TTLL5: variants seen among roughly 807,000 people sequenced by gnomAD.
The protein encoded by TTLL5 is tubulin polyglutamylase TTLL5.
In TTLL5, 132 loss-of-function variants were observed where a neutral mutation model predicts 168.4. The ratio of observed to expected loss-of-function variants is 0.78; its 90% CI spans 0.68 to 0.91. TTLL5 has a LOEUF of 0.91. Ranked by LOEUF, TTLL5 falls within the 40% of genes least tolerant of loss-of-function variation. The pLI is 0.00. For synonymous variants in TTLL5, 546 were observed against 558.6 expected (o/e 0.98, Z 0.32); for missense variants, 1,545 against 1,581.5 (o/e 0.98, Z 0.39).
chr14:75,823,565 G>A (rs757029827), intron 28 of TTLL5, among the ~76,000 whole-genome samples: 8 of 152,214 alleles, frequency 5.3e-5, no homozygotes, highest in Non-Finnish European at 1.0e-4. Flanking sequence ...TCCCACGAAT[G>A]TCTGGCTCCT....
At chr14:75,940,569 A>G (rs1225931515) in intron 31 of TTLL5, among the ~76,000 whole-genome samples, 1 of 152,202 alleles carries the variant, frequency 6.6e-6, no homozygotes, top group East Asian at 1.9e-4. Context: ...AAGAACATTG[A>G]TTTTAGTCAG....
chr14:75,889,672 T>C (rs1327820348), intron 30 of TTLL5, among the ~76,000 whole-genome samples: 6 of 151,698 alleles, frequency 4.0e-5, no homozygotes, highest in African/African-American at 1.5e-4. Context: ...TACCAAAATA[T>C]ACAAAAATTA....
intron 31 of TTLL5, among the ~76,000 whole-genome samples, chr14:75,942,466 A>G (rs1338511568): frequency 6.6e-6 from 1 of 152,194 alleles, no homozygotes; most frequent in Non-Finnish European, 1.5e-5. Flanking sequence ...CGATCTCAGC[A>G]CTTAAGAGTG....
chr14:75,743,715 G>A (rs1170156070), intron 15 of TTLL5, among the ~76,000 whole-genome samples: 1 of 150,732 alleles, frequency 6.6e-6, no homozygotes, highest in Non-Finnish European at 1.5e-5. Context: ...CCGAGTAGCT[G>A]GGACTACAGG....
At chr14:75,721,194 TTC>T (rs964757394) in intron 12 of TTLL5, among the ~76,000 whole-genome samples, 20 of 152,080 alleles carry the variant, frequency 1.3e-4, no homozygotes, top group African/African-American at 4.6e-4. Context: ...CTCTTTCTCT[TTC>T]TCTTCCTCTT....
At chr14:75,937,729 A>G (rs993864325) in intron 31 of TTLL5, among the ~76,000 whole-genome samples, 1 of 152,194 alleles carries the variant, frequency 6.6e-6, no homozygotes, top group Non-Finnish European at 1.5e-5. Context: ...AATTTAATGT[A>G]TGTATACACC....
chr14:75,861,792 G>A (rs1229902166), intron 28 of TTLL5, among the ~76,000 whole-genome samples: 1 of 152,178 alleles, frequency 6.6e-6, no homozygotes, highest in Non-Finnish European at 1.5e-5. Context: ...TAAGGAGATG[G>A]AAGGACTGAC....
intron 31 of TTLL5, among the ~76,000 whole-genome samples, chr14:75,949,216 AT>A (rs1271914655): frequency 2.0e-5 from 3 of 151,988 alleles, no homozygotes; most frequent in Non-Finnish European, 4.4e-5. Context: ...AGAACATGTG[AT>A]TACTGAAAAG....
At chr14:75,662,789 G>C (rs1466423763) in intron 1 of TTLL5, among the ~76,000 whole-genome samples, 2 of 152,136 alleles carry the variant, frequency 1.3e-5, no homozygotes, top group Non-Finnish European at 2.9e-5. Context: ...ATTCGATTTA[G>C]TAAATAATGA....
rs117067475 is a variant in TTLL5, at chr14:75,770,924, T to A, written c.2016-810T>A. Among the ~76,000 whole-genome samples the A allele has an allele frequency of 7.9e-4, 120 of 152,358 alleles. 2 individuals carry two copies. The East Asian group carries it at 0.021, about 27-fold the overall frequency. ...CCTTAAATTTGGTCTTAAGAGTCCC[T>A]TTATAGGATTTATCTATTTCCTGCT... On this transcript the variant is annotated intron_variant, in intron 20 of 31. Coordinates refer to ENST00000298832, the MANE Select transcript of TTLL5 (RefSeq NM_015072.5).
chr14:75,752,492 A>AG (rs1175987018), intron 17 of TTLL5, among the ~76,000 whole-genome samples: 1 of 152,236 alleles, frequency 6.6e-6, no homozygotes. Context: ...TGATTGAAAC[A>AG]GTCTCTTATC....
At chr14:75,838,402 A>G (rs1473748566) in intron 28 of TTLL5, 1 of 152,034 alleles carries the variant, frequency 6.6e-6, no homozygotes, top group Admixed American at 6.5e-5. Flanking sequence ...AAAATAGAAA[A>G]AAAAAAAAAA....
intron 28 of TTLL5, among the ~76,000 whole-genome samples, chr14:75,826,561 CT>C (rs1180839925): frequency 6.6e-6 from 1 of 151,892 alleles, no homozygotes; most frequent in East Asian, 1.9e-4. Flanking sequence ...TAACTGTTTA[CT>C]TTATAATTTT....
chr14:75,741,765 A>G (rs1303518384), intron 15 of TTLL5, among the ~76,000 whole-genome samples: 2 of 151,926 alleles, frequency 1.3e-5, no homozygotes, highest in African/African-American at 4.8e-5. Context: ...CCTCTACCCG[A>G]CCCCAAACAT....
intron 28 of TTLL5, among the ~76,000 whole-genome samples, chr14:75,837,722 C>T (rs1381437184): frequency 2.6e-5 from 4 of 152,164 alleles, no homozygotes; most frequent in Non-Finnish European, 5.9e-5. Context: ...TGGCTTATTT[C>T]ACTTAGCATA....
chr14:75,760,425 T>G (rs1030369485), intron 18 of TTLL5, among the ~76,000 whole-genome samples: 4 of 152,028 alleles, frequency 2.6e-5, no homozygotes, highest in Non-Finnish European at 5.9e-5. Context: ...CAAATTGATA[T>G]AAAGATCCAG....
At chr14:75,870,955 C>T (rs1048416539) in intron 29 of TTLL5, among the ~76,000 whole-genome samples, 1 of 152,030 alleles carries the variant, frequency 6.6e-6, no homozygotes, top group African/African-American at 2.4e-5. Flanking sequence ...CCACCACGCC[C>T]AGCTAATTTT....
rs1193714931 is a variant in TTLL5, at chr14:75,952,642, TG to T, written c.3824-1781del. Among the ~76,000 whole-genome samples the T allele has an allele frequency of 2.0e-5, 3 of 152,216 alleles. No individual in the cohort carries two copies. In the East Asian group the frequency reaches 5.8e-4, roughly 29 times the overall value. The stretch of plus-strand genomic sequence containing the variant: ...ACAACTGATGAATGGATAAATGAAA[TG>T]TGGTCTATACACACAATGGAATATT... On this transcript the variant is annotated intron_variant, in intron 31 of 31. Coordinates refer to ENST00000298832, the MANE Select transcript of TTLL5 (RefSeq NM_015072.5).
rs1892160523 is a variant in TTLL5, at chr14:75,783,135, T to C, written c.2603-12T>C. 6.3e-7 allele frequency: 1 copy of C among 1,587,760 alleles called. No homozygotes were observed. Among genetic ancestry groups the C allele is most frequent in the African/African-American group, 1.3e-5 (1 of 74,188 alleles). On this transcript the variant is annotated splice_polypyrimidine_tract_variant and intron_variant, in intron 25 of 31. Coordinates refer to ENST00000298832, the MANE Select transcript of TTLL5 (RefSeq NM_015072.5). ...CCTATAATGATGTCTTGTTTTGTTT[T>C]GTTTTTAATAGGATTTACCACTTCA...
Sources: allele counts gnomAD v4.1 joint callset (sites outside exome capture counted in the v4.1 genomes callset), GRCh38; gene constraint gnomAD v4.1.1; transcripts MANE v1.5; gene names NCBI Gene and HGNC (gene_info 2026-07-23, HGNC 2026-07-21).